Variants in ATAD5 observed in about 807,000 individuals in gnomAD.
ATAD5 encodes the protein ATPase family AAA domain containing 5, also known as ATPase family AAA domain-containing protein 5.
Under a neutral mutation model 176.9 loss-of-function variants are expected in ATAD5, and 58 were observed. The observed-to-expected ratio is 0.33, with a 90% CI of 0.27 to 0.41. The LOEUF is 0.41. ATAD5 is among the 10% of genes least tolerant of loss of function. The pLI is 1.00. For synonymous variants in ATAD5, 640 were observed against 712.6 expected (o/e 0.90, Z 1.62); for missense variants, 1,789 against 2,094.1 (o/e 0.85, Z 2.84).
chr17:30,848,656 G>C (rs1906679448), intron 6 of ATAD5, among the ~76,000 whole-genome samples: 1 of 152,130 alleles, frequency 6.6e-6, no homozygotes, highest in African/African-American at 2.4e-5. Flanking sequence ...TCCATTGCCT[G>C]CCTCAGACTT....
rs1304426096 is a variant in ATAD5, at chr17:30,834,366, C to T, written c.285C>T (p.Asn95=). Residue 95 remains asparagine (N), a synonymous_variant, in exon 2 of 23, where the codon AAC becomes AAT. Transcript: ENST00000321990. The part of the protein sequence containing the change: ...KSPESVPVDS[N]KDCTTPLEMF... ...CTGAATCAGTACCTGTTGACAGCAA[C>T]AAAGACTGTACGACACCTTTGGAAA... The T allele has an allele frequency of 3.1e-6, 5 of 1,608,118 alleles. No individual in the cohort carries two copies. The highest frequency in any genetic ancestry group is 4.2e-6 in the Non-Finnish European group (5 of 1,178,074).
In ATAD5 at chr17:30,885,015, G is replaced by A. The variant is rs189549757; in HGVS notation, c.4078-2177G>A. The stretch of plus-strand genomic sequence containing the variant: ...ACCCGCCTTTGCCTCCCAGAGTGCT[G>A]GGATTACAGGCGTGAGCCACCGTGC... On this transcript the variant is annotated intron_variant, in intron 18 of 22. Coordinates refer to ENST00000321990, the MANE Select transcript of ATAD5 (RefSeq NM_024857.5). 2.6e-3 allele frequency among the ~76,000 whole-genome samples: 399 copies of A among 152,302 alleles called. 6 individuals are homozygous for A. Among genetic ancestry groups the A allele is most frequent in the African/African-American group, 9.3e-3 (388 of 41,578 alleles).
chr17:30,855,834 A>G (rs1167570688), intron 7 of ATAD5, among the ~76,000 whole-genome samples: 1 of 151,516 alleles, frequency 6.6e-6, no homozygotes, highest in African/African-American at 2.4e-5. Context: ...ATTCCAGCCT[A>G]GGTGACAGAG....
intron 6 of ATAD5, among the ~76,000 whole-genome samples, chr17:30,850,648 T>C (rs1906821964): frequency 6.6e-6 from 1 of 151,320 alleles, no homozygotes; most frequent in Non-Finnish European, 1.5e-5. Context: ...TTATTTCACT[T>C]AACGTAATAT....
intron 19 of ATAD5, among the ~76,000 whole-genome samples, chr17:30,888,770 T>TA (rs978193293): frequency 2.0e-5 from 3 of 151,920 alleles, no homozygotes; most frequent in African/African-American, 7.2e-5. Flanking sequence ...TGTTTAATTT[T>TA]AAAAAAACAC....
chr17:30,850,788 A>G (rs1906831428), intron 6 of ATAD5, among the ~76,000 whole-genome samples: 1 of 140,838 alleles, frequency 7.1e-6, no homozygotes, highest in Non-Finnish European at 1.5e-5. Context: ...TCATATATTA[A>G]AAAATCATTA....
At chr17:30,879,030 C>T (rs1176655534) in intron 17 of ATAD5, among the ~76,000 whole-genome samples, 2 of 152,118 alleles carry the variant, frequency 1.3e-5, no homozygotes, top group Non-Finnish European at 2.9e-5. Context: ...CTGTGCCCAG[C>T]TGGTAGTTTT....
Position 30,892,587 on chromosome 17 carries a change from G to A in ATAD5, c.4259-20G>A, listed in dbSNP as rs1347186171. 7.9e-6 allele frequency: 12 copies of A among 1,521,482 alleles called. No homozygotes were observed. Among genetic ancestry groups the A allele is most frequent in the Middle Eastern group, 3.6e-4 (2 of 5,504 alleles). The allele number at this position is 1,521,482 out of a possible 1,614,324, so 94.2% of individuals were successfully genotyped here. A position where few individuals can be genotyped will look rare whatever the true frequency, so the allele number is the denominator to read the frequency against. ...TTGTTTAATACATATATAGAGCTAA[G>A]ATTTTCTTTTATTTTGTAGGTGGAA... On this transcript the variant is annotated intron_variant, in intron 19 of 22. Transcript: ENST00000321990.
At chr17:30,882,913 G>A (rs1909108941) in intron 18 of ATAD5, among the ~76,000 whole-genome samples, 1 of 152,010 alleles carries the variant, frequency 6.6e-6, no homozygotes, top group Admixed American at 6.6e-5. Context: ...ATTGGTCTGG[G>A]GTTTCTTTTG....
intron 11 of ATAD5, among the ~76,000 whole-genome samples, chr17:30,867,354 C>T (rs767399278): frequency 2.6e-5 from 4 of 152,012 alleles, no homozygotes; most frequent in Admixed American, 6.6e-5. Context: ...GAGCTATGAT[C>T]GCACCCCTAC....
intron 8 of ATAD5, among the ~76,000 whole-genome samples, chr17:30,857,615 G>T (rs1052115382): frequency 2.6e-5 from 4 of 152,068 alleles, no homozygotes; most frequent in African/African-American, 9.7e-5. Context: ...AGTTCTCAAA[G>T]AATGTTAGAT....
chr17:30,856,502 G>A (rs1907298748), intron 7 of ATAD5, among the ~76,000 whole-genome samples: 1 of 152,114 alleles, frequency 6.6e-6, no homozygotes, highest in Non-Finnish European at 1.5e-5. Flanking sequence ...AGGCTGGAGT[G>A]CAGTGATGAG....
Position 30,835,201 on chromosome 17 carries a change from C to G in ATAD5, c.1120C>G (p.Gln374Glu). 1 of 1,613,884 alleles carries G rather than the reference C, an allele frequency of 6.2e-7. No homozygotes were observed. Among genetic ancestry groups the G allele is most frequent in the Non-Finnish European group, 8.5e-7 (1 of 1,179,928 alleles). ...GAAAAGAAAATCTAATGTTGTTATA[C>G]AGGAGGAAGAATTAGAATTGGCTGT... is the stretch of plus-strand genomic sequence containing the variant. ...VQKRKSNVVIQEEELELAVLE... is the reference protein window; with the variant it reads ...VQKRKSNVVIEEEELELAVLE... The change falls in exon 2 of 23, where the codon CAG (glutamine) becomes GAG (glutamate). Residue 374 changes from glutamine (Q) to glutamate (E), a missense_variant. Coordinates refer to ENST00000321990, the MANE Select transcript of ATAD5 (RefSeq NM_024857.5).
chr17:30,842,585 G>T (rs1906194561), intron 4 of ATAD5, among the ~76,000 whole-genome samples: 1 of 152,154 alleles, frequency 6.6e-6, no homozygotes, highest in Non-Finnish European at 1.5e-5. Flanking sequence ...CTATGCTGAT[G>T]ACAGGAAAAT....
In ATAD5 at chr17:30,834,568, A is replaced by G. The variant is rs746696655; in HGVS notation, c.487A>G (p.Lys163Glu). 4.4e-6 allele frequency: 7 copies of G among 1,605,580 alleles called. No homozygotes were observed. In the South Asian group the frequency reaches 7.9e-5, roughly 18 times the overall value. ...ESSTSVLRYK[K>E]QVEVLAENIQ... ...TAGTACTTCTGTTTTACGTTACAAG[A>G]AACAAGTAGAGGTACTTGCAGAAAA... is the stretch of plus-strand genomic sequence containing the variant. Residue 163 changes from lysine (K) to glutamate (E), a missense_variant, in exon 2 of 23, where the codon AAA (lysine) becomes GAA (glutamate). This residue lies in a region of ATAD5 where 696 missense variants were observed against 712.5 expected (regional missense o/e 0.98). Coordinates refer to ENST00000321990, the MANE Select transcript of ATAD5 (RefSeq NM_024857.5).
chr17:30,843,836 T>C, intron 4 of ATAD5, 77 bp from the exon 5 acceptor site: 1 of 861,672 alleles, frequency 1.2e-6, no homozygotes, highest in Non-Finnish European at 1.6e-6. Context: ...GTGGTTTCTA[T>C]CACTGTGATT....
At chr17:30,885,105 TTTGTCG>T (rs1221940568) in intron 18 of ATAD5, among the ~76,000 whole-genome samples, 3 of 152,216 alleles carry the variant, frequency 2.0e-5, no homozygotes, top group Non-Finnish European at 4.4e-5. Flanking sequence ...GTTCTTTTCC[TTTGTCG>T]TTGCTAAATT....
intron 11 of ATAD5, 51 bp downstream of exon 11, chr17:30,865,851 C>G (rs1374756731): frequency 1.6e-6 from 2 of 1,244,446 alleles, no homozygotes; most frequent in Admixed American, 2.6e-5. Flanking sequence ...CTTAGTTTTA[C>G]TGTTTTTGTT....
intron 18 of ATAD5, among the ~76,000 whole-genome samples, 159 bp downstream of exon 18, chr17:30,879,646 T>G (rs1908895705): frequency 6.6e-6 from 1 of 151,450 alleles, no homozygotes; most frequent in Non-Finnish European, 1.5e-5. Flanking sequence ...CACTGCAAGC[T>G]CCGCTTCCCG....
Sources: allele counts gnomAD v4.1 joint callset (sites outside exome capture counted in the v4.1 genomes callset), GRCh38; gene constraint gnomAD v4.1.1; regional missense constraint gnomAD v4.1.1; transcripts MANE v1.5; gene names NCBI Gene and HGNC (gene_info 2026-07-23, HGNC 2026-07-21).